The following MSL2 variants were observed in gnomAD, a reference collection of about 807,000 sequenced individuals.
MSL2 encodes the protein MSL complex subunit 2, also known as E3 ubiquitin-protein ligase MSL2.
In MSL2, 2 loss-of-function variants were observed where a neutral mutation model predicts 35.8. That is an observed-to-expected ratio of 0.06 (90% CI 0.02 to 0.18). MSL2 has a LOEUF of 0.18. MSL2 is among the 10% of genes least tolerant of loss of function. MSL2 has a pLI of 1.00. For missense variants in MSL2, 523 were observed against 706.7 expected (o/e 0.74, Z 2.95); for synonymous variants, 296 against 255.7 (o/e 1.16, Z -1.50).
chr3:136,159,652 G>C (rs1219797617), intron 1 of MSL2, among the ~76,000 whole-genome samples: 1 of 151,466 alleles, frequency 6.6e-6, no homozygotes. Flanking sequence ...TTACAGGCGT[G>C]AGCCACCACG....
intron 1 of MSL2, among the ~76,000 whole-genome samples, chr3:136,157,239 G>T (rs1939557717): frequency 6.6e-6 from 1 of 152,042 alleles, no homozygotes; most frequent in African/African-American, 2.4e-5. Flanking sequence ...GATCACCTGA[G>T]GTCAGGAAGG....
chr3:136,185,438 A>T (rs1200940930), intron 1 of MSL2, among the ~76,000 whole-genome samples: 1 of 152,086 alleles, frequency 6.6e-6, no homozygotes, highest in African/African-American at 2.4e-5. Flanking sequence ...CTTATCTAAA[A>T]TACTATAGAT....
rs1204419149 is a variant in MSL2 at position 136,150,400 on chromosome 3, AAATTT to A, written c.*742_*746del. 6.6e-6 allele frequency: 1 copy of A among 152,644 alleles called. No individual in the cohort carries two copies. Among genetic ancestry groups the A allele is most frequent in the East Asian group, 1.9e-4 (1 of 5,202 alleles). 9.5% of individuals were successfully genotyped at this position (152,644 alleles called of 1,614,324 possible). A position where few individuals can be genotyped will look rare whatever the true frequency, so the allele number is the denominator to read the frequency against. The stretch of plus-strand genomic sequence containing the variant: ...AATTCTGTCACATACTACATAGTCT[AAATTT>A]AATTACCTTCAGAATAAAACTACTC... On this transcript the variant is annotated 3_prime_UTR_variant, in exon 2 of 2. Coordinates refer to ENST00000309993, the MANE Select transcript of MSL2 (RefSeq NM_018133.4).
chr3:136,193,508 A>T (rs911128382), intron 1 of MSL2, among the ~76,000 whole-genome samples: 2 of 152,110 alleles, frequency 1.3e-5, no homozygotes, highest in Non-Finnish European at 2.9e-5. Context: ...AAAAGAAAAA[A>T]AAAAGTATAT....
intron 1 of MSL2, among the ~76,000 whole-genome samples, chr3:136,192,018 A>G (rs917400675): frequency 6.6e-6 from 1 of 152,224 alleles, no homozygotes; most frequent in African/African-American, 2.4e-5. Flanking sequence ...GTGAAGCAGA[A>G]GAAATACAAA....
chr3:136,184,481 T>G (rs1407710389), intron 1 of MSL2, among the ~76,000 whole-genome samples: 1 of 151,778 alleles, frequency 6.6e-6, no homozygotes, highest in Non-Finnish European at 1.5e-5. Flanking sequence ...CAGGAGCCTG[T>G]AATCCCAGCT....
intron 1 of MSL2, among the ~76,000 whole-genome samples, chr3:136,189,390 A>T (rs1197321664): frequency 1.4e-5 from 2 of 142,430 alleles, no homozygotes; most frequent in African/African-American, 2.6e-5. Context: ...AACTAAACAC[A>T]GTTCTTCCTA....
At chr3:136,184,077 C>G (rs1207439694) in intron 1 of MSL2, among the ~76,000 whole-genome samples, 1 of 152,076 alleles carries the variant, frequency 6.6e-6, no homozygotes, top group African/African-American at 2.4e-5. Context: ...GGGCGGATCA[C>G]GAAGTCAGGA....
In MSL2 at chr3:136,195,350, A is replaced by C; in HGVS notation, c.-237T>G. 1.0e-5 allele frequency: 13 copies of C among 1,275,936 alleles called. No individual in the cohort carries two copies. The highest frequency in any genetic ancestry group is 4.1e-5 in the Admixed American group (1 of 24,680). 79.0% of individuals were successfully genotyped at this position (1,275,936 alleles called of 1,614,324 possible). A position where few individuals can be genotyped will look rare whatever the true frequency, so the allele number is the denominator to read the frequency against. On this transcript the variant is annotated 5_prime_UTR_variant, in exon 1 of 2. Coordinates refer to ENST00000309993, the MANE Select transcript of MSL2 (RefSeq NM_018133.4). ...TTCCAGACCAAAAATATGAGAGAGA[A>C]ACCAGCGTTCGAGTTCGTCCGGAGC...
intron 1 of MSL2, among the ~76,000 whole-genome samples, chr3:136,176,515 C>CAAAAAAA (rs771021498): frequency 5.5e-4 from 30 of 54,146 alleles, no homozygotes; most frequent in African/African-American, 1.7e-3. Flanking sequence ...GACCCTCTCT[C>CAAAAAAA]AAAAAAAAAA....
intron 1 of MSL2, among the ~76,000 whole-genome samples, chr3:136,157,696 A>T (rs1360079658): frequency 6.6e-6 from 1 of 152,170 alleles, no homozygotes; most frequent in Non-Finnish European, 1.5e-5. Flanking sequence ...AAATGTGAAG[A>T]ATTAAGGAAG....
At chr3:136,165,385 C>A (rs1939816987) in intron 1 of MSL2, among the ~76,000 whole-genome samples, 1 of 152,120 alleles carries the variant, frequency 6.6e-6, no homozygotes, top group Non-Finnish European at 1.5e-5. Flanking sequence ...TCAACATTTT[C>A]ATTTTTGTTT....
chr3:136,166,806 A>G (rs1939867610), intron 1 of MSL2, among the ~76,000 whole-genome samples: 1 of 152,244 alleles, frequency 6.6e-6, no homozygotes, highest in Non-Finnish European at 1.5e-5. Context: ...GTACTCTTGG[A>G]AAACTCTTTA....
At chr3:136,182,715 CA>C (rs1173234700) in intron 1 of MSL2, among the ~76,000 whole-genome samples, 1,759 of 102,728 alleles carry the variant, frequency 0.017, 28 homozygotes, top group African/African-American at 0.046. Flanking sequence ...GACTCCGTCT[CA>C]AAAAAAAAAA....
intron 1 of MSL2, among the ~76,000 whole-genome samples, chr3:136,194,742 C>A (rs956653563): frequency 4.0e-5 from 6 of 151,796 alleles, no homozygotes; most frequent in African/African-American, 1.2e-4. Context: ...GCGAATTAAA[C>A]CATTTTGAAC....
chr3:136,160,149 G>A (rs972492436), intron 1 of MSL2, among the ~76,000 whole-genome samples: 1 of 151,378 alleles, frequency 6.6e-6, no homozygotes, highest in Non-Finnish European at 1.5e-5. Context: ...GATGGCACAC[G>A]CCTGTAGTCC....
intron 1 of MSL2, among the ~76,000 whole-genome samples, chr3:136,172,432 T>G (rs917238364): frequency 6.6e-6 from 1 of 152,086 alleles, no homozygotes; most frequent in South Asian, 2.1e-4. Context: ...ACCTTCAACC[T>G]TCCTTCCTAT....
At position 136,195,387 on chromosome 3, in the gene MSL2, G is replaced by T; in HGVS notation, c.-274C>A. ...AGTTCGTCCGGAGCGACCACAGAGC[G>T]CAGAACGCGGCGGCTTGGGCGCTCG... is the stretch of plus-strand genomic sequence containing the variant. On this transcript the variant is annotated 5_prime_UTR_variant, in exon 1 of 2. Coordinates refer to ENST00000309993, the MANE Select transcript of MSL2 (RefSeq NM_018133.4). 1 of 1,176,440 alleles carries T rather than the reference G, an allele frequency of 8.5e-7. No homozygotes were observed. Among genetic ancestry groups the T allele is most frequent in the South Asian group, 2.3e-5 (1 of 43,588 alleles). 72.9% of individuals were successfully genotyped at this position (1,176,440 alleles called of 1,614,324 possible).
Position 136,195,092 on chromosome 3 carries a change from C to T in MSL2, c.22G>A (p.Ala8Thr), listed in dbSNP as rs1306886890. 10 of 1,612,296 alleles carry T rather than the reference C, an allele frequency of 6.2e-6. No individual in the cohort carries two copies. Among genetic ancestry groups the T allele is most frequent in the Admixed American group, 1.7e-5 (1 of 59,198 alleles). ...AGGCGGCTCGCGGAAATGTAGAGAG[C>T]AGTAGCATTCACGGGGTTCATTGCA... Reference protein sequence around the residue: MNPVNATALYISASRLVL... With the variant: MNPVNATTLYISASRLVL... The change falls in exon 1 of 2, where the codon GCT (alanine) becomes ACT (threonine). Residue 8 changes from alanine (A) to threonine (T), a missense_variant. Ala to Thr is a moderately conservative substitution (Grantham distance 58). This residue lies in a region of MSL2 where 45 missense variants were observed against 47.5 expected (regional missense o/e 0.95). Transcript: ENST00000309993.
Sources: gnomAD v4.1 joint callset for allele counts (sites outside exome capture counted in the v4.1 genomes callset) on GRCh38, gnomAD v4.1.1 for gene constraint, gnomAD v4.1.1 regional missense constraint, MANE v1.5 for transcripts, NCBI Gene and HGNC (gene_info 2026-07-23, HGNC 2026-07-21) for gene names.